The following MACROD2 variants were observed in gnomAD, a reference collection of about 807,000 sequenced individuals.
MACROD2 encodes the protein ADP-ribose glycohydrolase MACROD2.
Under a neutral mutation model 70.4 loss-of-function variants are expected in MACROD2, and 36 were observed. That is an observed-to-expected ratio of 0.51 (90% CI 0.39 to 0.68). The LOEUF is 0.68. MACROD2 is among the 30% of genes least tolerant of loss of function. The pLI, the probability that MACROD2 is intolerant of heterozygous loss-of-function variation, is 0.00. For missense variants in MACROD2, 496 were observed against 538.4 expected, an observed-to-expected ratio of 0.92 and a Z score of 0.78; for synonymous variants, 172 against 178.8, an observed-to-expected ratio of 0.96 and a Z score of 0.30.
At chr20:14,850,258 A>G (rs1439124492) in intron 5 of MACROD2, 3 of 186,346 alleles carry the variant, frequency 1.6e-5, no homozygotes, top group African/African-American at 7.1e-5. Context: ...GCTCTACAAC[A>G]ATTCTAAAAC....
chr20:15,918,096 G>A (rs1044759977), intron 10 of MACROD2, among the ~76,000 whole-genome samples: 9 of 152,108 alleles, frequency 5.9e-5, no homozygotes, highest in South Asian at 2.1e-4. Flanking sequence ...TATAAACCTC[G>A]TTTTGTAATC....
intron 15 of MACROD2, among the ~76,000 whole-genome samples, chr20:16,007,174 G>C (rs749742445): frequency 6.2e-4 from 94 of 152,148 alleles, no homozygotes; most frequent in Non-Finnish European, 8.2e-4. Context: ...ATATAAGCAG[G>C]GTGAACATTT....
At chr20:15,448,287 T>C (rs898427716) in intron 7 of MACROD2, among the ~76,000 whole-genome samples, 2 of 152,122 alleles carry the variant, frequency 1.3e-5, no homozygotes, top group African/African-American at 2.4e-5. Context: ...CTCTGCTGTT[T>C]GCATCCTCAG....
intron 6 of MACROD2, among the ~76,000 whole-genome samples, chr20:15,378,941 GCCA>G (rs2045603691): frequency 6.6e-6 from 1 of 152,154 alleles, no homozygotes; most frequent in South Asian, 2.1e-4. Flanking sequence ...GTGCTTAGCT[GCCA>G]CTGAGGCATG....
chr20:14,150,063 C>G (rs1459494160), intron 3 of MACROD2, among the ~76,000 whole-genome samples: 1 of 151,922 alleles, frequency 6.6e-6, no homozygotes, highest in Non-Finnish European at 1.5e-5. Context: ...CTCTCTCTCC[C>G]CACCTTTCCC....
intron 6 of MACROD2, among the ~76,000 whole-genome samples, chr20:15,243,732 G>A (rs2077080604): frequency 6.6e-6 from 1 of 151,840 alleles, no homozygotes; most frequent in South Asian, 2.1e-4. Flanking sequence ...TGGCTAACAC[G>A]GTGAAACCCT....
rs183633810 is a variant in MACROD2 at position 15,950,053 on chromosome 20, T to C, written c.907+12509T>C. ...TCTTGTTAATTAGTATAAAAAATAA[T>C]ATTTGGAGTAACTCTTTAGAGTATT... On this transcript the variant is annotated intron_variant, in intron 12 of 17. Coordinates refer to ENST00000684519, the MANE Select transcript of MACROD2 (RefSeq NM_001351661.2). 7.2e-5 allele frequency among the ~76,000 whole-genome samples: 11 copies of C among 152,292 alleles called. No homozygotes were observed. The East Asian group carries it at 2.1e-3, about 29-fold the overall frequency.
chr20:15,322,415 C>G lies in MACROD2; in HGVS notation c.540+92354C>G, dbSNP rs764271163. Among the ~76,000 whole-genome samples, 11 of 143,644 alleles carry G rather than the reference C, an allele frequency of 7.7e-5. 3 individuals are homozygous for G. The highest frequency in any genetic ancestry group is 1.7e-4 in the Non-Finnish European group (11 of 63,476). 94.2% of individuals were successfully genotyped at this position (143,644 alleles called of 152,430 possible). On this transcript the variant is annotated intron_variant, in intron 6 of 17. Transcript: ENST00000684519. ...AATGGAGCCACAAATAATAAAAAAT[C>G]ATTTGTGCTGACCCTGAAAATGTGA...
chr20:15,898,849 G>T (rs1037022214), intron 10 of MACROD2, among the ~76,000 whole-genome samples: 9 of 151,802 alleles, frequency 5.9e-5, no homozygotes, highest in African/African-American at 2.2e-4. Flanking sequence ...TAGATAGATA[G>T]ATGCATACAT....
chr20:14,195,525 T>C (rs1476984582), intron 3 of MACROD2, among the ~76,000 whole-genome samples: 1 of 151,700 alleles, frequency 6.6e-6, no homozygotes, highest in East Asian at 1.9e-4. Context: ...CCCAAAACAT[T>C]TCCTAAGACC....
chr20:15,989,413 C>T (rs2066528088), intron 15 of MACROD2, among the ~76,000 whole-genome samples: 1 of 152,094 alleles, frequency 6.6e-6, no homozygotes, highest in Non-Finnish European at 1.5e-5. Context: ...AGAAGGAAGC[C>T]AGGTGGAAGG....
At chr20:15,104,905 ATTGTT>A (rs569533417) in intron 5 of MACROD2, among the ~76,000 whole-genome samples, 21 of 152,250 alleles carry the variant, frequency 1.4e-4, no homozygotes, top group Admixed American at 7.8e-4. Flanking sequence ...AGACCATAGT[ATTGTT>A]TTATTTTATT....
At chr20:14,918,980 A>G (rs2074128669) in intron 5 of MACROD2, among the ~76,000 whole-genome samples, 1 of 152,126 alleles carries the variant, frequency 6.6e-6, no homozygotes, top group South Asian at 2.1e-4. Flanking sequence ...GAAGAATTAA[A>G]CTGAATGCTT....
intron 4 of MACROD2, among the ~76,000 whole-genome samples, chr20:14,653,521 ATTT>A (rs34531975): frequency 1.5e-5 from 2 of 137,510 alleles, no homozygotes; most frequent in Non-Finnish European, 1.6e-5. Context: ...CCCGGCTGCA[ATTT>A]TTTTTTTTTT....
At chr20:14,651,026 T>C (rs1288046969) in intron 4 of MACROD2, among the ~76,000 whole-genome samples, 9 of 152,138 alleles carry the variant, frequency 5.9e-5, no homozygotes, top group African/African-American at 2.2e-4. Flanking sequence ...CCATAGCCAC[T>C]CCATAGAATA....
intron 4 of MACROD2, among the ~76,000 whole-genome samples, chr20:14,496,891 T>A (rs1431381693): frequency 6.6e-6 from 1 of 151,754 alleles, no homozygotes; most frequent in Non-Finnish European, 1.5e-5. Context: ...TCCATTATTA[T>A]TACCAACAGT....
intron 10 of MACROD2, among the ~76,000 whole-genome samples, chr20:15,887,772 A>G (rs149508754): frequency 6.6e-6 from 1 of 152,332 alleles, no homozygotes; most frequent in African/African-American, 2.4e-5. Context: ...AACTTTAACA[A>G]TATTTTGTAT....
intron 8 of MACROD2, among the ~76,000 whole-genome samples, chr20:15,616,448 A>T (rs777707578): frequency 2.6e-5 from 4 of 152,176 alleles, no homozygotes; most frequent in Non-Finnish European, 5.9e-5. Flanking sequence ...TCAAAGAAGA[A>T]GTTCAAAGAA....
intron 3 of MACROD2, among the ~76,000 whole-genome samples, chr20:14,433,498 C>T (rs2084019126): frequency 6.6e-6 from 1 of 151,886 alleles, no homozygotes. Flanking sequence ...GGAAAGAAAC[C>T]CAAGTACTTC....
Sources: allele counts gnomAD v4.1 joint callset (sites outside exome capture counted in the v4.1 genomes callset), GRCh38; gene constraint gnomAD v4.1.1; transcripts MANE v1.5; gene names NCBI Gene and HGNC (gene_info 2026-07-23, HGNC 2026-07-21).